CDRT4: variants seen among roughly 807,000 people sequenced by gnomAD.
CDRT4 encodes the protein CMT1A duplicated region transcript 4, also known as CMT1A duplicated region transcript 4 protein.
For missense variants in CDRT4, 167 were observed against 193.1 expected (o/e 0.87, Z 0.80); for synonymous variants, 64 against 69.6 (o/e 0.92, Z 0.40).
intron 2 of CDRT4, among the ~76,000 whole-genome samples, chr17:15,451,534 G>GC (rs1357519300): frequency 2.6e-5 from 4 of 151,600 alleles, no homozygotes; most frequent in Non-Finnish European, 4.4e-5. Flanking sequence ...CTTTGATCTG[G>GC]CCCCTGCCTC....
In CDRT4 at chr17:15,444,714, C is replaced by CAGAGAGAGAGAGAGAGAG. The variant is rs59581257; in HGVS notation, c.-47-4447_-47-4430dup. 8.5e-4 allele frequency among the ~76,000 whole-genome samples: 116 copies of CAGAGAGAGAGAGAGAGAG among 135,900 alleles called. 3 individuals are homozygous for CAGAGAGAGAGAGAGAGAG. Among genetic ancestry groups the CAGAGAGAGAGAGAGAGAG allele is most frequent in the South Asian group, 2.7e-3 (10 of 3,768 alleles). The allele number at this position is 135,900 out of a possible 152,430, so 89.2% of individuals were successfully genotyped here. On this transcript the variant is annotated intron_variant, in intron 2 of 3. Transcript: ENST00000619038. ...TAAAAATATAAAAATTAGCCAAGCG[C>CAGAGAGAGAGAGAGAGAG]AGAGAGAGAGAGAGAGAGAGAGAGA... is the stretch of plus-strand genomic sequence containing the variant.
At chr17:15,444,013 C>T in intron 2 of CDRT4, 2 of 789,828 alleles carry the variant, frequency 2.5e-6, no homozygotes, top group East Asian at 2.7e-5. Context: ...TGGATGAGAC[C>T]AAGTGTTGCC....
chr17:15,444,018 G>A (rs940847885), intron 2 of CDRT4: 43 of 806,674 alleles, frequency 5.3e-5, no homozygotes, highest in Non-Finnish European at 8.8e-5. Flanking sequence ...GAGACCAAGT[G>A]TTGCCTGTTC....
chr17:15,444,626 T>TGGA (rs1978932785), intron 2 of CDRT4, among the ~76,000 whole-genome samples: 3 of 151,560 alleles, frequency 2.0e-5, no homozygotes. Context: ...CCAAGGTGAG[T>TGGA]GGATCACTTG....
intron 1 of CDRT4, among the ~76,000 whole-genome samples, chr17:15,456,979 G>A (rs555915704): frequency 3.3e-5 from 5 of 152,256 alleles, no homozygotes; most frequent in Admixed American, 3.3e-4. Flanking sequence ...AAGGTTGTGT[G>A]GTCAGAGATG....
chr17:15,466,593 T>G (rs1980053857), intron 1 of CDRT4, among the ~76,000 whole-genome samples: 1 of 152,184 alleles, frequency 6.6e-6, no homozygotes, highest in African/African-American at 2.4e-5. Flanking sequence ...GGCACGATCA[T>G]GGCTCACTGC....
In CDRT4 at chr17:15,439,518, A is replaced by G. The variant is rs187242228; in HGVS notation, c.31+690T>C. On this transcript the variant is annotated intron_variant, in intron 3 of 3. Coordinates refer to ENST00000619038, the MANE Select transcript of CDRT4 (RefSeq NM_001204477.2). ...ACCCTTGCCTCCTCCAAGCAAATGT[A>G]AGATCTTGTGGGATAGGGCATTTGC... Among the ~76,000 whole-genome samples the G allele has an allele frequency of 2.0e-5, 3 of 152,294 alleles. No homozygotes were observed. The East Asian group carries it at 5.8e-4, about 29-fold the overall frequency.
In CDRT4 at chr17:15,436,935, C is replaced by T. The variant is rs1321773344; in HGVS notation, c.*838G>A. The T allele has an allele frequency of 1.3e-5, 2 of 152,206 alleles. No individual in the cohort carries two copies. The allele number at this position is 152,206 out of a possible 1,614,324, so 9.4% of individuals were successfully genotyped here. ...GGGGAGCTAGAAGGAATCTGCTAGGCTAAAGGAGGAAGTAGGAAGTGGCCC... is the reference window on the plus strand; with the variant it reads ...GGGGAGCTAGAAGGAATCTGCTAGGTTAAAGGAGGAAGTAGGAAGTGGCCC... On this transcript the variant is annotated 3_prime_UTR_variant, in exon 4 of 4. Coordinates refer to ENST00000619038, the MANE Select transcript of CDRT4 (RefSeq NM_001204477.2).
Position 15,437,961 on chromosome 17 carries a change from T to C in CDRT4, c.271A>G (p.Arg91Gly), listed in dbSNP as rs1440501987. ...SSKSSGKAVFRDTLSESTLSM... is the reference protein window; with the variant it reads ...SSKSSGKAVFGDTLSESTLSM... ...AACGTGGATTCTGACAGCGTGTCCC[T>C]GAACACAGCTTTGCCAGAAGACTTG... The change falls in exon 4 of 4, where the codon AGG becomes GGG. Residue 91 changes from arginine to glycine, a missense_variant. Transcript: ENST00000619038. 2 of 1,614,228 alleles carry C rather than the reference T, an allele frequency of 1.2e-6. No homozygotes were observed. The highest frequency in any genetic ancestry group is 2.2e-5 in the East Asian group (1 of 44,882).
chr17:15,454,767 C>T (rs116036458), intron 1 of CDRT4, among the ~76,000 whole-genome samples: 3 of 152,260 alleles, frequency 2.0e-5, no homozygotes, highest in East Asian at 1.9e-4. Context: ...GGAGAACTCA[C>T]GTTGAAACCC....
chr17:15,463,678 G>C (rs961478221), intron 1 of CDRT4, among the ~76,000 whole-genome samples: 15 of 152,100 alleles, frequency 9.9e-5, no homozygotes, highest in African/African-American at 2.4e-5. Flanking sequence ...CCCTCTCTGC[G>C]GTGGGCTCTC....
At chr17:15,449,303 T>C (rs1979162673) in intron 2 of CDRT4, among the ~76,000 whole-genome samples, 1 of 152,238 alleles carries the variant, frequency 6.6e-6, no homozygotes, top group Non-Finnish European at 1.5e-5. Context: ...TTAGGTACTA[T>C]TGTATTAACC....
chr17:15,453,311 C>T (rs1314833935), intron 1 of CDRT4, among the ~76,000 whole-genome samples: 1 of 152,118 alleles, frequency 6.6e-6, no homozygotes, highest in African/African-American at 2.4e-5. Context: ...TCTTTCTAGG[C>T]ACAAAGATAC....
At chr17:15,466,015 A>G (rs1296684705) in intron 1 of CDRT4, among the ~76,000 whole-genome samples, 1 of 145,486 alleles carries the variant, frequency 6.9e-6, no homozygotes, top group Non-Finnish European at 1.5e-5. Flanking sequence ...CACTTAGAAG[A>G]CATCCCTGAA....
At chr17:15,456,031 A>G (rs558890357) in intron 1 of CDRT4, among the ~76,000 whole-genome samples, 1 of 152,312 alleles carries the variant, frequency 6.6e-6, no homozygotes, top group South Asian at 2.1e-4. Flanking sequence ...TCAAGGAAAA[A>G]TCTCACCCAC....
At position 15,437,872 on chromosome 17, in the gene CDRT4, G is replaced by A; in HGVS notation, c.360C>T (p.His120=). Residue 120 remains histidine, a synonymous_variant, in exon 4 of 4, where the codon CAC becomes CAT. Coordinates refer to ENST00000619038, the MANE Select transcript of CDRT4 (RefSeq NM_001204477.2). ...MAPTMIPEPT[H]LHADSRDCPT... ...GACAGTCTCTGGAATCCGCATGTAA[G>A]TGTGTGGGTTCTGGGATCATGGTAG... 6.2e-7 allele frequency: 1 copy of A among 1,614,200 alleles called. No individual in the cohort carries two copies. Among genetic ancestry groups the A allele is most frequent in the Non-Finnish European group, 8.5e-7 (1 of 1,180,042 alleles).
chr17:15,437,591 C>T lies in CDRT4; in HGVS notation c.*182G>A. Reference sequence around the variant, plus strand: ...CAGTGTGGGAGGGGACACACTCACCCACCCACCTACAGCTTGCATTCTGAT... The same window carrying T: ...CAGTGTGGGAGGGGACACACTCACCTACCCACCTACAGCTTGCATTCTGAT... On this transcript the variant is annotated 3_prime_UTR_variant, in exon 4 of 4. Transcript: ENST00000619038. 1 of 645,762 alleles carries T rather than the reference C, an allele frequency of 1.5e-6. No individual in the cohort carries two copies. The highest frequency in any genetic ancestry group is 1.8e-5 in the African/African-American group (1 of 54,798). 40.0% of individuals were successfully genotyped at this position (645,762 alleles called of 1,614,324 possible).
intron 1 of CDRT4, among the ~76,000 whole-genome samples, chr17:15,459,424 G>A (rs1362513672): frequency 2.8e-5 from 4 of 144,834 alleles, no homozygotes; most frequent in African/African-American, 1.0e-4. Context: ...CTATTGAGTT[G>A]ATTTCTTTTT....
intron 1 of CDRT4, among the ~76,000 whole-genome samples, chr17:15,454,847 C>T (rs1457399578): frequency 6.6e-6 from 1 of 152,132 alleles, no homozygotes; most frequent in East Asian, 1.9e-4. Context: ...TCCTCATCCC[C>T]AAGGTGGGAA....
Sources: allele counts gnomAD v4.1 joint callset (sites outside exome capture counted in the v4.1 genomes callset), GRCh38; gene constraint gnomAD v4.1.1; transcripts MANE v1.5; gene names NCBI Gene and HGNC (gene_info 2026-07-23, HGNC 2026-07-21).